The following DYM variants were observed in gnomAD, a reference collection of about 807,000 sequenced individuals.
The protein encoded by DYM is dyggve-Melchior-Clausen syndrome protein.
Under a neutral mutation model 93.1 loss-of-function variants are expected in DYM, and 78 were observed. The ratio of observed to expected loss-of-function variants is 0.84; its 90% CI spans 0.70 to 1.01. The LOEUF is 1.01. Among genes scored for constraint, DYM ranks in the 50% least tolerant of loss-of-function variants. The pLI, the probability that DYM is intolerant of heterozygous loss-of-function variation, is 0.00. For synonymous variants in DYM, 321 were observed against 319.7 expected (o/e 1.00, Z -0.04); for missense variants, 789 against 845.0 (o/e 0.93, Z 0.82).
chr18:49,290,054 G>A (rs183366335), intron 8 of DYM, among the ~76,000 whole-genome samples: 239 of 151,172 alleles, frequency 1.6e-3, no homozygotes, highest in African/African-American at 5.6e-3. Flanking sequence ...ACATACTCAT[G>A]AGCCCAGCAA....
intron 8 of DYM, among the ~76,000 whole-genome samples, chr18:49,325,661 A>G (rs2062826980): frequency 6.6e-6 from 1 of 152,240 alleles, no homozygotes; most frequent in Non-Finnish European, 1.5e-5. Flanking sequence ...AAAGGCTTAG[A>G]TGATAAAATA....
chr18:49,070,651 T>G (rs1205876492), intron 17 of DYM, among the ~76,000 whole-genome samples: 1 of 152,210 alleles, frequency 6.6e-6, no homozygotes, highest in Non-Finnish European at 1.5e-5. Context: ...AATGCTACTT[T>G]AGAAACTGTG....
chr18:49,134,317 T>A (rs2083640307), intron 15 of DYM, among the ~76,000 whole-genome samples: 1 of 152,220 alleles, frequency 6.6e-6, no homozygotes, highest in Non-Finnish European at 1.5e-5. Flanking sequence ...AGCTTTTGCA[T>A]AATGGTTTAT....
At chr18:49,290,845 A>G (rs1001399729) in intron 8 of DYM, among the ~76,000 whole-genome samples, 2 of 152,238 alleles carry the variant, frequency 1.3e-5, no homozygotes, top group African/African-American at 4.8e-5. Flanking sequence ...GTATTACTCT[A>G]TTGCTTGACT....
At chr18:49,050,037 A>G (rs994946783) in intron 17 of DYM, among the ~76,000 whole-genome samples, 1 of 142,164 alleles carries the variant, frequency 7.0e-6, no homozygotes, top group Non-Finnish European at 1.5e-5. Flanking sequence ...TTGGCCCTGG[A>G]GTGGGTTTAT....
chr18:49,055,521 T>G (rs968814889), intron 17 of DYM, among the ~76,000 whole-genome samples: 4 of 152,124 alleles, frequency 2.6e-5, no homozygotes, highest in Non-Finnish European at 5.9e-5. Flanking sequence ...GGGGCAAAAG[T>G]GGAGAATTCT....
intron 17 of DYM, among the ~76,000 whole-genome samples, chr18:49,061,252 AAAGGCTTC>A: frequency 6.6e-6 from 1 of 152,146 alleles, no homozygotes; most frequent in South Asian, 2.1e-4. Flanking sequence ...AAGCATCAAG[AAAGGCTTC>A]AAGGAGGAGA....
intron 8 of DYM, among the ~76,000 whole-genome samples, chr18:49,298,687 T>C (rs543001766): frequency 5.3e-5 from 8 of 151,798 alleles, no homozygotes; most frequent in African/African-American, 1.9e-4. Flanking sequence ...GAATAGAAAA[T>C]AGAACTGTTT....
intron 1 of DYM, among the ~76,000 whole-genome samples, chr18:49,443,961 T>C (rs1011132752): frequency 3.9e-5 from 6 of 152,154 alleles, no homozygotes; most frequent in African/African-American, 1.2e-4. Flanking sequence ...ATTACAGCTA[T>C]GAATATTTTC....
At chr18:49,414,966 TA>T (rs1419726536) in intron 2 of DYM, among the ~76,000 whole-genome samples, 2 of 152,152 alleles carry the variant, frequency 1.3e-5, no homozygotes, top group Non-Finnish European at 2.9e-5. Flanking sequence ...ACTATTTTTT[TA>T]GGTATATTAA....
chr18:49,242,380 C>G (rs1255981469), intron 13 of DYM, among the ~76,000 whole-genome samples: 1 of 152,092 alleles, frequency 6.6e-6, no homozygotes, highest in African/African-American at 2.4e-5. Flanking sequence ...CCACTACACT[C>G]CAGCCTGTGT....
chr18:49,389,620 G>T (rs368474089), intron 3 of DYM, among the ~76,000 whole-genome samples: 4 of 151,894 alleles, frequency 2.6e-5, no homozygotes, highest in African/African-American at 7.3e-5. Flanking sequence ...CCTCAATCTC[G>T]CAAGCAGCTG....
intron 15 of DYM, among the ~76,000 whole-genome samples, chr18:49,150,051 T>C (rs1049193638): frequency 1.3e-5 from 2 of 152,176 alleles, no homozygotes; most frequent in African/African-American, 4.8e-5. Context: ...ACAATTGCTA[T>C]TTAAAACTGG....
chr18:49,057,451 G>C (rs993830291), intron 17 of DYM, among the ~76,000 whole-genome samples: 13 of 152,250 alleles, frequency 8.5e-5, no homozygotes, highest in Admixed American at 2.0e-4. Context: ...GATGGGGCCA[G>C]AAAGAGCCAG....
chr18:49,333,939 CA>C, intron 6 of DYM, 86 bp from the exon 7 acceptor site: 2 of 1,373,568 alleles, frequency 1.5e-6, no homozygotes, highest in South Asian at 2.5e-5. Flanking sequence ...TTTAAAAACT[CA>C]AATCTAAATA....
chr18:49,275,502 G>T (rs1335261996), intron 10 of DYM, among the ~76,000 whole-genome samples: 1 of 152,078 alleles, frequency 6.6e-6, no homozygotes, highest in East Asian at 1.9e-4. Context: ...TCTCTATAAA[G>T]AAGTCAACTA....
chr18:49,422,304 C>A (rs571323778), intron 2 of DYM, among the ~76,000 whole-genome samples: 1 of 152,176 alleles, frequency 6.6e-6, no homozygotes, highest in Non-Finnish European at 1.5e-5. Context: ...AACAGCGGAT[C>A]TCTCGGCAGA....
At chr18:49,435,458 TAAG>T (rs2080767258) in intron 1 of DYM, among the ~76,000 whole-genome samples, 2 of 145,650 alleles carry the variant, frequency 1.4e-5, no homozygotes, top group South Asian at 4.4e-4. Flanking sequence ...ATTGAAATGC[TAAG>T]AAAAGAGAAA....
intron 6 of DYM, among the ~76,000 whole-genome samples, chr18:49,339,258 G>A (rs1418928093): frequency 1.3e-5 from 2 of 152,158 alleles, no homozygotes; most frequent in Non-Finnish European, 2.9e-5. Context: ...GCATGCGCAC[G>A]TGCCAAAGAA....
Sources: gnomAD v4.1 joint callset for allele counts (sites outside exome capture counted in the v4.1 genomes callset) on GRCh38, gnomAD v4.1.1 for gene constraint, MANE v1.5 for transcripts, NCBI Gene and HGNC (gene_info 2026-07-23, HGNC 2026-07-21) for gene names.